Variants in STK31 observed in about 807,000 individuals in gnomAD.
The protein encoded by STK31 is serine/threonine kinase 31.
STK31 carries 89 observed loss-of-function variants against 129.7 expected under a neutral mutation model. The ratio of observed to expected loss-of-function variants is 0.69; its 90% CI spans 0.58 to 0.82. The LOEUF (loss-of-function observed/expected upper bound fraction) is 0.82. STK31 is among the 40% of genes least tolerant of loss of function. STK31 has a pLI of 0.00. For synonymous variants in STK31, 448 were observed against 395.3 expected (o/e 1.13, Z -1.58); for missense variants, 1,187 against 1,176.4 (o/e 1.01, Z -0.13).
chr7:23,762,137 C>G (rs1342918104), intron 10 of STK31, among the ~76,000 whole-genome samples: 2 of 151,168 alleles, frequency 1.3e-5, no homozygotes, highest in African/African-American at 2.4e-5. Flanking sequence ...GCACAATGTG[C>G]AGGTTAGTTA....
At chr7:23,781,342 A>T in intron 15 of STK31, 77 bp from the exon 16 acceptor site, 1 of 1,042,944 alleles carries the variant, frequency 9.6e-7, no homozygotes, top group Non-Finnish European at 1.4e-6. Flanking sequence ...AGAGTAATTT[A>T]CTATAGAACT....
intron 23 of STK31, among the ~76,000 whole-genome samples, chr7:23,821,712 A>T (rs995274229): frequency 6.6e-6 from 1 of 152,186 alleles, no homozygotes; most frequent in South Asian, 2.1e-4. Context: ...GGTCTTAGCC[A>T]TAAAAATCTT....
At chr7:23,745,083 T>G (rs886850189) in intron 8 of STK31, among the ~76,000 whole-genome samples, 1 of 152,124 alleles carries the variant, frequency 6.6e-6, no homozygotes, top group Admixed American at 6.5e-5. Context: ...GTGCTGGCTG[T>G]GATGTGCTGA....
intron 23 of STK31, among the ~76,000 whole-genome samples, chr7:23,829,064 C>A (rs527465764): frequency 1.4e-4 from 21 of 151,622 alleles, no homozygotes; most frequent in Admixed American, 5.3e-4. Flanking sequence ...TGATGCCCAG[C>A]AAATTTTTTT....
intron 22 of STK31, among the ~76,000 whole-genome samples, chr7:23,792,798 G>T (rs1268699541): frequency 6.6e-6 from 1 of 152,172 alleles, no homozygotes; most frequent in Non-Finnish European, 1.5e-5. Flanking sequence ...GATGCAGGAG[G>T]ATTGCTTAAT....
chr7:23,736,995 A>G lies in STK31; in HGVS notation c.934A>G (p.Lys312Glu), dbSNP rs956333558. 2 of 1,613,810 alleles carry G rather than the reference A, an allele frequency of 1.2e-6. No individual in the cohort carries two copies. Among genetic ancestry groups the G allele is most frequent in the Admixed American group, 1.7e-5 (1 of 60,010 alleles). The change falls in exon 8 of 24, where the codon AAA becomes GAA. Residue 312 changes from lysine to glutamate, a missense_variant. Lys to Glu is a moderately conservative substitution (Grantham distance 56). Around this residue, in one of 5 missense-constraint regions of STK31, gnomAD observed 975 missense variants for 934.9 expected, o/e 1.04. Coordinates refer to ENST00000355870, the MANE Select transcript of STK31 (RefSeq NM_031414.5). ...QDQKLIEENE[K>E]LKTEKDALLE... is the part of the protein sequence containing the mutation. ...CCAGAAACTGATTGAAGAAAATGAA[A>G]AACTTAAAACAGAGAAGGACGCTCT... is the stretch of plus-strand genomic sequence containing the variant.
chr7:23,772,794 C>G (rs1362922010), intron 15 of STK31, among the ~76,000 whole-genome samples: 1 of 152,112 alleles, frequency 6.6e-6, no homozygotes, highest in Non-Finnish European at 1.5e-5. Context: ...TAACTTCTTC[C>G]TTTAGGCTTG....
chr7:23,825,010 T>C (rs531643498), intron 23 of STK31, among the ~76,000 whole-genome samples: 1 of 152,270 alleles, frequency 6.6e-6, no homozygotes, highest in South Asian at 2.1e-4. Flanking sequence ...CAGTATTTTA[T>C]TGAGGATTTT....
At chr7:23,729,718 C>A (rs909039807) in intron 6 of STK31, among the ~76,000 whole-genome samples, 1 of 152,054 alleles carries the variant, frequency 6.6e-6, no homozygotes, top group Non-Finnish European at 1.5e-5. Context: ...CCATGTTGGC[C>A]AGGCTGGTCT....
At chr7:23,717,145 G>T (rs1786393041) in intron 3 of STK31, among the ~76,000 whole-genome samples, 1 of 85,844 alleles carries the variant, frequency 1.2e-5, no homozygotes. Context: ...TTACTTTCTG[G>T]CACCATCAAA....
intron 4 of STK31, among the ~76,000 whole-genome samples, chr7:23,724,032 A>C (rs1786897715): frequency 6.6e-6 from 1 of 152,246 alleles, no homozygotes; most frequent in South Asian, 2.1e-4. Context: ...GTAATTCTAC[A>C]GAAGTAAAAA....
In STK31 at chr7:23,832,196, G is replaced by C. The variant is rs1794595703; in HGVS notation, c.2890G>C (p.Glu964Gln). 3.1e-6 allele frequency: 5 copies of C among 1,614,136 alleles called. No individual in the cohort carries two copies. The East Asian group carries it at 8.9e-5, about 29-fold the overall frequency. The change falls in exon 24 of 24, where the codon GAA becomes CAA. Residue 964 changes from glutamate (E) to glutamine (Q), a missense_variant. By Grantham distance (29) the Glu-to-Gln change is conservative. Transcript: ENST00000355870. ...LICYRSSMTA[E>Q]QVLNAECFLM... ...ATGTTATAGAAGTTCAATGACTGCT[G>C]AACAAGTTTTAAATGCTGAATGTTT...
At chr7:23,761,697 C>T (rs1244692116) in intron 10 of STK31, among the ~76,000 whole-genome samples, 6 of 151,134 alleles carry the variant, frequency 4.0e-5, no homozygotes, top group Admixed American at 2.0e-4. Flanking sequence ...CGTGGGCCAC[C>T]GTGCCCAGAT....
chr7:23,743,918 G>T (rs937604952), intron 8 of STK31, among the ~76,000 whole-genome samples: 4 of 150,946 alleles, frequency 2.6e-5, no homozygotes, highest in Admixed American at 2.0e-4. Flanking sequence ...AGTATTTTTT[G>T]TTGTTGTTTG....
intron 4 of STK31, among the ~76,000 whole-genome samples, chr7:23,719,733 C>T (rs1562545493): frequency 1.3e-5 from 2 of 152,096 alleles, no homozygotes; most frequent in Non-Finnish European, 2.9e-5. Flanking sequence ...GAAATATCCT[C>T]ACTTACTTGG....
intron 5 of STK31, 103 bp downstream of exon 5, chr7:23,727,418 A>AACCAGGTATCAGTAC: frequency 1.1e-6 from 1 of 905,062 alleles, no homozygotes; most frequent in Non-Finnish European, 1.8e-6. Flanking sequence ...CGTAGTACTG[A>AACCAGGTATCAGTAC]TACCTGGTTC....
intron 22 of STK31, among the ~76,000 whole-genome samples, chr7:23,803,810 G>A (rs1792525751): frequency 6.6e-6 from 1 of 152,116 alleles, no homozygotes; most frequent in South Asian, 2.1e-4. Context: ...CATTTAGTGA[G>A]AACACAGAGT....
At chr7:23,751,950 T>C (rs939751519) in intron 8 of STK31, among the ~76,000 whole-genome samples, 20 of 138,542 alleles carry the variant, frequency 1.4e-4, no homozygotes, top group African/African-American at 4.8e-4. Flanking sequence ...AGTTGAATGG[T>C]GGTTTCTGGG....
chr7:23,772,351 A>C, intron 15 of STK31, 73 bp downstream of exon 15: 1 of 1,452,422 alleles, frequency 6.9e-7, no homozygotes, highest in South Asian at 1.3e-5. Flanking sequence ...CATAAAAATA[A>C]TGCATAAATA....
Sources: gnomAD v4.1 joint callset for allele counts (sites outside exome capture counted in the v4.1 genomes callset) on GRCh38, gnomAD v4.1.1 for gene constraint, gnomAD v4.1.1 regional missense constraint, MANE v1.5 for transcripts, NCBI Gene and HGNC (gene_info 2026-07-23, HGNC 2026-07-21) for gene names.